The following PPP1R13B variants were observed in gnomAD, a reference collection of about 807,000 sequenced individuals.
The protein encoded by PPP1R13B is apoptosis-stimulating of p53 protein 1.
PPP1R13B carries 44 observed loss-of-function variants against 119.8 expected under a neutral mutation model. That is an observed-to-expected ratio of 0.37 (90% CI 0.29 to 0.47). The LOEUF (loss-of-function observed/expected upper bound fraction) is 0.47, where lower values mean the gene tolerates loss of function less well. Ranked by LOEUF, PPP1R13B falls within the 20% of genes least tolerant of loss-of-function variation. The pLI, the probability that PPP1R13B is intolerant of heterozygous loss-of-function variation, is 0.99. For missense variants in PPP1R13B, 1,227 were observed against 1,413.5 expected (o/e 0.87, Z 2.12); for synonymous variants, 542 against 561.5 (o/e 0.97, Z 0.49).
chr14:103,794,274 C>T (rs1011388935), intron 2 of PPP1R13B, among the ~76,000 whole-genome samples: 16 of 151,796 alleles, frequency 1.1e-4, no homozygotes, highest in South Asian at 4.2e-4. Flanking sequence ...ATTCTATCTA[C>T]GACATACTGA....
chr14:103,814,608 G>A (rs1015535467), intron 1 of PPP1R13B, among the ~76,000 whole-genome samples: 5 of 152,070 alleles, frequency 3.3e-5, no homozygotes, highest in Admixed American at 2.6e-4. Flanking sequence ...GTTAAGAGAT[G>A]AGCCTAAGCA....
At chr14:103,800,564 G>A (rs2085874233) in intron 1 of PPP1R13B, among the ~76,000 whole-genome samples, 1 of 151,450 alleles carries the variant, frequency 6.6e-6, no homozygotes, top group Non-Finnish European at 1.5e-5. Flanking sequence ...TGAGGCATGA[G>A]AATCACTTGA....
At chr14:103,786,003 TA>T (rs1424064818) in intron 2 of PPP1R13B, among the ~76,000 whole-genome samples, 1 of 152,184 alleles carries the variant, frequency 6.6e-6, no homozygotes, top group Non-Finnish European at 1.5e-5. Context: ...GTATTTCAAA[TA>T]TTTTTTTAAA....
rs1343997784 is a variant in PPP1R13B, at chr14:103,742,153, A to G, written c.1459T>C (p.Leu487=). The change falls in exon 11 of 17, where the codon TTG becomes CTG. Residue 487 remains leucine (L), a synonymous_variant. Transcript: ENST00000202556. This position sits in a 1 kb window ranked among gnomAD's most constrained non-coding sequence, Gnocchi z 4.9. ...SSLERRKEGS[L]PRPSAGLPSR... ...GGCAGGCCTGCACTGGGCCTGGGCA[A>G]GCTGCCTTCCTTCCTCCTTTCCAGG... The G allele has an allele frequency of 6.2e-7, 1 of 1,610,902 alleles. No homozygotes were observed. Among genetic ancestry groups the G allele is most frequent in the African/African-American group, 1.3e-5 (1 of 74,940 alleles).
At position 103,742,659 on chromosome 14, in the gene PPP1R13B, T is replaced by C; in HGVS notation, c.1315A>G (p.Lys439Glu). 6.2e-7 allele frequency: 1 copy of C among 1,613,628 alleles called. No homozygotes were observed. Among genetic ancestry groups the C allele is most frequent in the Middle Eastern group, 1.7e-4 (1 of 6,056 alleles). ...VPFSALGPTE[K>E]PGIEIGKVPP... ...TGGTAAAGACACAGGCCTACCGGCT[T>C]CTCCGTGGGTCCCAGTGCTGAGAAG... Residue 439 changes from lysine to glutamate, a missense_variant, in exon 10 of 17, where the codon AAG becomes GAG. Physicochemically the swap from Lys to Glu is moderately conservative, Grantham distance 56. Transcript: ENST00000202556. The surrounding 1 kb of genome is among the most constrained non-coding windows in gnomAD (Gnocchi z 4.9).
intron 1 of PPP1R13B, among the ~76,000 whole-genome samples, chr14:103,846,268 A>G (rs1447287081): frequency 6.6e-6 from 1 of 152,238 alleles, no homozygotes; most frequent in Non-Finnish European, 1.5e-5. Context: ...AAAAACGGGG[A>G]GAAGAGATTA....
intron 1 of PPP1R13B, among the ~76,000 whole-genome samples, chr14:103,804,903 C>A (rs888084160): frequency 1.3e-5 from 2 of 152,198 alleles, no homozygotes; most frequent in Non-Finnish European, 2.9e-5. Context: ...GTGGCTCAAT[C>A]TCAGCTCACT....
chr14:103,824,652 G>A (rs147130367), intron 1 of PPP1R13B, among the ~76,000 whole-genome samples: 2,457 of 150,252 alleles, frequency 0.016, 60 homozygotes, highest in East Asian at 0.11. Context: ...CTGAGATCAC[G>A]CCACTGCACT....
chr14:103,746,750 C>T (rs8009618), intron 8 of PPP1R13B, 197 bp from the exon 9 acceptor site: 9,676 of 477,016 alleles, frequency 0.02, 469 homozygotes, highest in African/African-American at 0.13. Context: ...AGCAATTCTC[C>T]GACAACACCC....
At chr14:103,788,496 G>A (rs2085527684) in intron 2 of PPP1R13B, among the ~76,000 whole-genome samples, 1 of 152,114 alleles carries the variant, frequency 6.6e-6, no homozygotes, top group South Asian at 2.1e-4. Context: ...TACTACTTAA[G>A]CAGAAGTCCA....
chr14:103,831,320 T>TG (rs1219953211), intron 1 of PPP1R13B, among the ~76,000 whole-genome samples: 1 of 150,372 alleles, frequency 6.7e-6, no homozygotes, highest in Non-Finnish European at 1.5e-5. Flanking sequence ...TACTTTTTTT[T>TG]TTTTTTTTAG....
intron 6 of PPP1R13B, among the ~76,000 whole-genome samples, chr14:103,753,694 G>A (rs1223141120): frequency 5.9e-5 from 9 of 152,162 alleles, no homozygotes; most frequent in Non-Finnish European, 7.3e-5. Flanking sequence ...CCAAAGGGCC[G>A]CTGGTACCAA....
At chr14:103,827,724 C>T (rs941529316) in intron 1 of PPP1R13B, among the ~76,000 whole-genome samples, 3 of 150,404 alleles carry the variant, frequency 2.0e-5, no homozygotes, top group African/African-American at 4.9e-5. Context: ...TAAGAGACTT[C>T]GATAACAATT....
At chr14:103,751,753 C>T (rs989732520) in intron 7 of PPP1R13B, among the ~76,000 whole-genome samples, 3 of 152,170 alleles carry the variant, frequency 2.0e-5, no homozygotes. Context: ...TCACTGGAAA[C>T]TGAATTTGCT....
chr14:103,796,592 C>T (rs958900477), intron 2 of PPP1R13B, among the ~76,000 whole-genome samples: 3 of 152,112 alleles, frequency 2.0e-5, no homozygotes, highest in African/African-American at 7.2e-5. Context: ...AGGTTAAACA[C>T]GAATTACCAT....
Position 103,757,588 on chromosome 14 carries a change from A to C in PPP1R13B, c.456+62T>G. ...CCCAAGAATATATTAACCCCAGTCTAAAATGATGGTTAAAGAAGGTACTTT... is the reference window on the plus strand; with the variant it reads ...CCCAAGAATATATTAACCCCAGTCTCAAATGATGGTTAAAGAAGGTACTTT... On this transcript the variant is annotated intron_variant, in intron 5 of 16. Coordinates refer to ENST00000202556, the MANE Select transcript of PPP1R13B (RefSeq NM_015316.3). 4.1e-6 allele frequency: 6 copies of C among 1,475,434 alleles called. 1 individual carries two copies. In the South Asian group the frequency reaches 6.9e-5, roughly 17 times the overall value. The allele number at this position is 1,475,434 out of a possible 1,614,324, so 91.4% of individuals were successfully genotyped here.
intron 7 of PPP1R13B, among the ~76,000 whole-genome samples, chr14:103,750,412 A>G (rs1486959681): frequency 6.6e-6 from 1 of 152,278 alleles, no homozygotes; most frequent in African/African-American, 2.4e-5. Context: ...GAACTAGGAC[A>G]GAACAGAAAA....
intron 5 of PPP1R13B, among the ~76,000 whole-genome samples, chr14:103,756,574 C>G (rs1204167178): frequency 6.6e-6 from 1 of 152,142 alleles, no homozygotes; most frequent in Non-Finnish European, 1.5e-5. Context: ...ATAAACCAAA[C>G]AAGTCCAGCC....
At chr14:103,785,009 C>T (rs2085424998) in intron 2 of PPP1R13B, 95 bp from the exon 3 acceptor site, 2 of 1,092,730 alleles carry the variant, frequency 1.8e-6, no homozygotes, top group East Asian at 2.6e-5. Flanking sequence ...TATATATGCA[C>T]ACATGTATGT....
Sources: allele counts gnomAD v4.1 joint callset (sites outside exome capture counted in the v4.1 genomes callset), GRCh38; gene constraint gnomAD v4.1.1; non-coding constraint Gnocchi (gnomAD v3.1); transcripts MANE v1.5; gene names NCBI Gene and HGNC (gene_info 2026-07-23, HGNC 2026-07-21).